Variants in AFG2A observed in about 807,000 individuals in gnomAD.
AFG2A encodes the protein ATPase family gene 2 protein homolog A.
the AFG2A span, among the ~76,000 whole-genome samples, chr4:123,310,069 C>A: frequency 6.6e-6 from 1 of 152,226 alleles, no homozygotes; most frequent in African/African-American, 2.4e-5. Context: ...GTTTCCAAAT[C>A]TACCTTTTTA....
At chr4:123,082,795 A>G in the AFG2A span, among the ~76,000 whole-genome samples, 1 of 151,896 alleles carries the variant, frequency 6.6e-6, no homozygotes, top group Admixed American at 6.6e-5. Context: ...CTTCCTTTCC[A>G]TGAGTGTGGA....
the AFG2A span, among the ~76,000 whole-genome samples, chr4:122,943,729 C>T: frequency 2.0e-5 from 3 of 152,296 alleles, no homozygotes; most frequent in East Asian, 5.8e-4. Context: ...TCTTCCTAGT[C>T]TCAATGGTCT....
At chr4:123,302,944 G>T in the AFG2A span, among the ~76,000 whole-genome samples, 2 of 152,030 alleles carry the variant, frequency 1.3e-5, 1 homozygote, top group Non-Finnish European at 2.9e-5. Context: ...TTTTACTGTT[G>T]TATTCCCCAG....
chr4:123,205,224 A>G, the AFG2A span, among the ~76,000 whole-genome samples: 3 of 152,144 alleles, frequency 2.0e-5, no homozygotes, highest in African/African-American at 4.8e-5. Context: ...CAGGGAGTAC[A>G]GTGGTATATA....
At chr4:123,196,167 ATTTTTTT>A in the AFG2A span, among the ~76,000 whole-genome samples, 3 of 79,668 alleles carry the variant, frequency 3.8e-5, no homozygotes, top group Non-Finnish European at 4.7e-5. Flanking sequence ...TGCCCAGCTA[ATTTTTTT>A]TTTTTTTTTT....
At chr4:123,145,897 G>T in the AFG2A span, among the ~76,000 whole-genome samples, 1 of 151,890 alleles carries the variant, frequency 6.6e-6, no homozygotes, top group Non-Finnish European at 1.5e-5. Context: ...TTAATCTTTG[G>T]ATTATTTTTT....
the AFG2A span, among the ~76,000 whole-genome samples, chr4:122,966,128 T>C: frequency 6.6e-6 from 1 of 152,194 alleles, no homozygotes; most frequent in Admixed American, 6.5e-5. Flanking sequence ...AAATTCTGTT[T>C]TTCAACTTAC....
the AFG2A span, among the ~76,000 whole-genome samples, chr4:123,079,742 C>CTTT: frequency 1.5e-5 from 1 of 68,818 alleles, no homozygotes. Context: ...TTTTCTTTTC[C>CTTT]TTCTTTTTTT....
the AFG2A span, among the ~76,000 whole-genome samples, chr4:123,080,607 A>G: frequency 4.0e-5 from 6 of 151,378 alleles, no homozygotes; most frequent in Non-Finnish European, 8.8e-5. Context: ...ATCTATTTCC[A>G]TTCTCCAGGT....
At chr4:123,299,117 A>ATGTGTGTGTGTGTGTG in the AFG2A span, among the ~76,000 whole-genome samples, 1,266 of 147,200 alleles carry the variant, frequency 8.6e-3, 3 homozygotes, top group African/African-American at 0.013. Flanking sequence ...GCATCTGCCA[A>ATGTGTGTGTGTGTGTG]TGTGTGTGTG....
At chr4:123,270,698 A>G in the AFG2A span, among the ~76,000 whole-genome samples, 1 of 152,226 alleles carries the variant, frequency 6.6e-6, no homozygotes, top group Non-Finnish European at 1.5e-5. Flanking sequence ...CACCTTTTAT[A>G]TCCTTACTTA....
the AFG2A span, among the ~76,000 whole-genome samples, chr4:123,095,632 T>A: frequency 6.6e-6 from 1 of 152,082 alleles, no homozygotes; most frequent in Non-Finnish European, 1.5e-5. Context: ...ATCTTTATTG[T>A]CTGGAAGAAA....
chr4:122,965,456 T>A, the AFG2A span, among the ~76,000 whole-genome samples: 2 of 152,224 alleles, frequency 1.3e-5, no homozygotes, highest in Non-Finnish European at 2.9e-5. Flanking sequence ...AAGTCATACG[T>A]TGGAAACAGT....
chr4:123,255,938 C>T, the AFG2A span: 1 of 1,534,240 alleles, frequency 6.5e-7, no homozygotes, highest in East Asian at 2.3e-5. Context: ...AAATTCCAGA[C>T]ATCTTTCCCT....
chr4:123,184,532 C>CTTTTTTTTTTTTTT, the AFG2A span, among the ~76,000 whole-genome samples: 2 of 89,280 alleles, frequency 2.2e-5, no homozygotes, highest in African/African-American at 9.0e-5. Context: ...ATGATCATTT[C>CTTTTTTTTTTTTTT]TTTTTTTTTT....
At chr4:122,982,635 A>C in the AFG2A span, among the ~76,000 whole-genome samples, 77 of 151,846 alleles carry the variant, frequency 5.1e-4, no homozygotes, top group African/African-American at 1.6e-3. Flanking sequence ...TTTGTTAGGG[A>C]GCTTTTTGAT....
the AFG2A span, among the ~76,000 whole-genome samples, chr4:123,050,848 G>A: frequency 1.3e-5 from 2 of 151,602 alleles, no homozygotes; most frequent in Non-Finnish European, 2.9e-5. Flanking sequence ...GGGTTTAAGC[G>A]ATTCTCCTGC....
the AFG2A span, among the ~76,000 whole-genome samples, chr4:123,309,451 C>T: frequency 0.022 from 3,309 of 152,290 alleles, 63 homozygotes; most frequent in Non-Finnish European, 0.035. Flanking sequence ...ACGCTCACAA[C>T]CTAATCACCT....
chr4:123,145,991 T>C, the AFG2A span, among the ~76,000 whole-genome samples: 1 of 152,094 alleles, frequency 6.6e-6, no homozygotes, highest in Non-Finnish European at 1.5e-5. Context: ...TAATGCAAAT[T>C]TAATGTCTAG....
Sources: allele counts gnomAD v4.1 joint callset (sites outside exome capture counted in the v4.1 genomes callset), GRCh38; gene constraint gnomAD v4.1.1; transcripts MANE v1.5; gene names NCBI Gene and HGNC (gene_info 2026-07-23, HGNC 2026-07-21).